The following RAP1A variants were observed in gnomAD, a reference collection of about 807,000 sequenced individuals.
The protein encoded by RAP1A is RAP1A, member of RAS oncogene family.
RAP1A carries 6 observed loss-of-function variants against 26.4 expected under a neutral mutation model. The ratio of observed to expected loss-of-function variants is 0.23; its 90% CI spans 0.12 to 0.45. RAP1A has a LOEUF of 0.45. Ranked by LOEUF, RAP1A falls within the 20% of genes least tolerant of loss-of-function variation. The pLI, the probability that RAP1A is intolerant of heterozygous loss-of-function variation, is 0.99. For synonymous variants in RAP1A, 73 were observed against 79.4 expected, an observed-to-expected ratio of 0.92 and a Z score of 0.43; for missense variants, 121 against 217.2, an observed-to-expected ratio of 0.56 and a Z score of 2.78.
chr1:111,702,476 TTAAC>T lies in RAP1A; in HGVS notation c.184-856_184-853del, dbSNP rs1221167244. On this transcript the variant is annotated intron_variant, in intron 4 of 7. Coordinates refer to ENST00000369709, the MANE Select transcript of RAP1A (RefSeq NM_002884.4). ...AACTAAATGTTAACCATTAGTAAAT[TTAAC>T]TAAAGGGGATAGATAGTCATTGCAC... is the stretch of plus-strand genomic sequence containing the variant. Among the ~76,000 whole-genome samples the T allele has an allele frequency of 2.0e-5, 3 of 152,124 alleles. No homozygotes were observed. In the East Asian group the frequency reaches 5.8e-4, roughly 29 times the overall value.
rs147752022 is a variant in RAP1A, at chr1:111,649,550, T to G, written c.-28+29616T>G. 3.6e-5 allele frequency: 9 copies of G among 252,066 alleles called. No individual in the cohort carries two copies. The East Asian group carries it at 8.9e-4, about 25-fold the overall frequency. 15.6% of individuals were successfully genotyped at this position (252,066 alleles called of 1,614,324 possible). Reference sequence around the variant, plus strand: ...GTGAAGCGAGTGGTAAAGCTCATGCTCTCTGGGGAGGAGAGTGAGAGGATA... The same window carrying G: ...GTGAAGCGAGTGGTAAAGCTCATGCGCTCTGGGGAGGAGAGTGAGAGGATA... On this transcript the variant is annotated intron_variant, in intron 1 of 7. Transcript: ENST00000369709.
intron 1 of RAP1A, among the ~76,000 whole-genome samples, chr1:111,596,296 C>T (rs1240255516): frequency 6.6e-6 from 1 of 152,106 alleles, no homozygotes; most frequent in East Asian, 1.9e-4. Context: ...CCATGGAGTT[C>T]TGAAAGGCCC....
intron 1 of RAP1A, among the ~76,000 whole-genome samples, chr1:111,645,701 A>G (rs1485613793): frequency 2.0e-5 from 3 of 152,236 alleles, no homozygotes; most frequent in African/African-American, 7.2e-5. Context: ...CCTGCGAGCC[A>G]GGCACTGTTA....
chr1:111,564,024 C>G, intron 1 of RAP1A: 1 of 1,117,654 alleles, frequency 8.9e-7, no homozygotes, highest in Non-Finnish European at 1.4e-6. Flanking sequence ...TCCAACCCTT[C>G]TGCCATTAGA....
intron 1 of RAP1A, among the ~76,000 whole-genome samples, chr1:111,643,386 C>T (rs1291398942): frequency 6.6e-6 from 1 of 152,154 alleles, no homozygotes; most frequent in African/African-American, 2.4e-5. Context: ...CTTTCTTGGA[C>T]ATTCCTTCAT....
chr1:111,579,868 G>T (rs1287916588), intron 1 of RAP1A, among the ~76,000 whole-genome samples: 1 of 152,026 alleles, frequency 6.6e-6, no homozygotes, highest in Non-Finnish European at 1.5e-5. Context: ...GGAGTGCAAT[G>T]GTGTGATCTC....
chr1:111,581,530 T>C lies in RAP1A; in HGVS notation c.-28+39021T>C, dbSNP rs1206540100. Among the ~76,000 whole-genome samples, 5 of 152,326 alleles carry C rather than the reference T, an allele frequency of 3.3e-5. No homozygotes were observed. In the South Asian group the frequency reaches 1.0e-3, roughly 32 times the overall value. ...ACAATGTGGAGGTCAAGAAACCCTATTCTAAAGGAAGAAAAAACAGACCAA... is the reference window on the plus strand; with the variant it reads ...ACAATGTGGAGGTCAAGAAACCCTACTCTAAAGGAAGAAAAAACAGACCAA... On this transcript the variant is annotated intron_variant, in intron 1 of 7. Coordinates refer to the RAP1A transcript ENST00000356415.
At chr1:111,547,087 G>A (rs1333877949) in intron 1 of RAP1A, among the ~76,000 whole-genome samples, 2 of 152,056 alleles carry the variant, frequency 1.3e-5, no homozygotes, top group Non-Finnish European at 2.9e-5. Context: ...CTAATATATA[G>A]AAATACAACT....
intron 7 of RAP1A, among the ~76,000 whole-genome samples, chr1:111,710,839 T>C (rs1206882283): frequency 2.0e-5 from 3 of 150,910 alleles, no homozygotes; most frequent in African/African-American, 7.4e-5. Flanking sequence ...AATAACTTTT[T>C]TTCTTTTTTT....
intron 1 of RAP1A, among the ~76,000 whole-genome samples, chr1:111,578,255 C>T (rs527940020): frequency 6.6e-6 from 1 of 152,038 alleles, no homozygotes; most frequent in East Asian, 1.9e-4. Flanking sequence ...AACAGCATGG[C>T]TTGTCAGGGA....
chr1:111,638,683 C>G (rs919711451), intron 1 of RAP1A, among the ~76,000 whole-genome samples: 3 of 152,120 alleles, frequency 2.0e-5, no homozygotes, highest in African/African-American at 7.2e-5. Context: ...ACCTTTGCCC[C>G]CCAAAGTTCT....
chr1:111,586,815 G>A (rs1171170080), intron 1 of RAP1A, among the ~76,000 whole-genome samples: 2 of 152,186 alleles, frequency 1.3e-5, no homozygotes, highest in East Asian at 3.9e-4. Flanking sequence ...TGCCTTCTTT[G>A]AGATTGCTTC....
At chr1:111,567,658 G>T (rs1353294776) in intron 1 of RAP1A, among the ~76,000 whole-genome samples, 2 of 152,158 alleles carry the variant, frequency 1.3e-5, no homozygotes, top group Non-Finnish European at 2.9e-5. Flanking sequence ...CTTATAAGAA[G>T]AGGAAGAGAC....
upstream of RAP1A, among the ~76,000 whole-genome samples, chr1:111,617,785 T>A (rs564556485): frequency 6.7e-6 from 1 of 149,024 alleles, no homozygotes; most frequent in South Asian, 2.3e-4. Context: ...GGCTCACACC[T>A]GTAATCCCAA....
At chr1:111,587,186 T>C (rs1658385512) in intron 1 of RAP1A, among the ~76,000 whole-genome samples, 1 of 152,116 alleles carries the variant, frequency 6.6e-6, no homozygotes, top group Non-Finnish European at 1.5e-5. Flanking sequence ...ATTATATAGA[T>C]TCATTTGCTC....
intron 1 of RAP1A, among the ~76,000 whole-genome samples, chr1:111,670,809 G>A (rs1660949217): frequency 6.6e-6 from 1 of 152,184 alleles, no homozygotes; most frequent in African/African-American, 2.4e-5. Flanking sequence ...TTTTTGTGCA[G>A]GGAATAATTT....
chr1:111,676,680 C>T (rs772486697), intron 1 of RAP1A, among the ~76,000 whole-genome samples: 1 of 152,094 alleles, frequency 6.6e-6, no homozygotes, highest in Non-Finnish European at 1.5e-5. Context: ...TTCTCATCAC[C>T]CCAAAAAGTA....
At chr1:111,616,554 ACTT>A (rs1233891784), upstream of RAP1A, among the ~76,000 whole-genome samples, 1 of 152,132 alleles carries the variant, frequency 6.6e-6, no homozygotes, top group Non-Finnish European at 1.5e-5. Flanking sequence ...CTCTCAAACT[ACTT>A]CTCACAGGGA....
At chr1:111,711,742 A>C (rs1662391080) in intron 7 of RAP1A, among the ~76,000 whole-genome samples, 1 of 152,258 alleles carries the variant, frequency 6.6e-6, no homozygotes, top group African/African-American at 2.4e-5. Context: ...GTAAGAGTAC[A>C]TGAACTCTGA....
Sources: gnomAD v4.1 joint callset for allele counts (sites outside exome capture counted in the v4.1 genomes callset) on GRCh38, gnomAD v4.1.1 for gene constraint, MANE v1.5 for transcripts, NCBI Gene and HGNC (gene_info 2026-07-23, HGNC 2026-07-21) for gene names.